The following EVL variants were observed in gnomAD, a reference collection of about 807,000 sequenced individuals.
EVL encodes the protein Enah/Vasp-like, also known as ena/VASP-like protein.
In EVL, 21 loss-of-function variants were observed where a neutral mutation model predicts 59.6. The ratio of observed to expected loss-of-function variants is 0.35; its 90% CI spans 0.25 to 0.51. The LOEUF (loss-of-function observed/expected upper bound fraction) is 0.51. Ranked by LOEUF, EVL falls within the 20% of genes least tolerant of loss-of-function variation. The pLI, the probability that EVL is intolerant of heterozygous loss-of-function variation, is 0.97. For synonymous variants in EVL, 198 were observed against 203.5 expected (o/e 0.97, Z 0.23); for missense variants, 462 against 546.6 (o/e 0.85, Z 1.54).
At position 100,136,608 on chromosome 14, in the gene EVL, GCTGCC is replaced by G. The variant is rs574575132; in HGVS notation, c.964+643_964+647del. Among the ~76,000 whole-genome samples, 127 of 152,270 alleles carry G rather than the reference GCTGCC, an allele frequency of 8.3e-4. 1 individual carries two copies. The highest frequency in any genetic ancestry group is 3.0e-3 in the African/African-American group (125 of 41,548). On this transcript the variant is annotated intron_variant, in intron 9 of 13. Transcript: ENST00000392920. ...CAGCGAGGAGAGACAGGGGCATCAG[GCTGCC>G]CTAGCTGGGCAGAGGAGGCTCTTGC...
At chr14:100,129,881 C>T (rs945602518) in intron 7 of EVL, among the ~76,000 whole-genome samples, 197 bp downstream of exon 7, 2 of 152,268 alleles carry the variant, frequency 1.3e-5, no homozygotes, top group Admixed American at 6.5e-5. Flanking sequence ...GTCCTCTAAA[C>T]TCCAGATCCT....
intron 1 of EVL, among the ~76,000 whole-genome samples, chr14:100,057,718 G>A (rs1307143353): frequency 6.6e-6 from 1 of 152,202 alleles, no homozygotes; most frequent in Non-Finnish European, 1.5e-5. Context: ...AGGCAAAGTG[G>A]TTGAGAATAC....
intron 1 of EVL, among the ~76,000 whole-genome samples, chr14:99,973,258 A>G (rs2060747317): frequency 1.3e-5 from 2 of 151,950 alleles, no homozygotes; most frequent in South Asian, 2.2e-4. Context: ...AAAATGTGTG[A>G]GAGTTCTTGT....
chr14:99,986,463 A>G lies in EVL; in HGVS notation c.5+14406A>G, dbSNP rs887195885. On this transcript the variant is annotated intron_variant, in intron 1 of 13. Coordinates refer to the EVL transcript ENST00000402714. ...ATTAAGGAAAAATCAAACAGTAAGCAACAGACTGAATCAGATAGTGTCCCA... is the reference window on the plus strand; with the variant it reads ...ATTAAGGAAAAATCAAACAGTAAGCGACAGACTGAATCAGATAGTGTCCCA... Among the ~76,000 whole-genome samples the G allele has an allele frequency of 2.6e-5, 4 of 152,180 alleles. 1 individual carries two copies. In the South Asian group the frequency reaches 8.3e-4, roughly 32 times the overall value.
chr14:100,023,227 C>G (rs1278891388), intron 1 of EVL, among the ~76,000 whole-genome samples: 1 of 144,384 alleles, frequency 6.9e-6, no homozygotes, highest in Non-Finnish European at 1.5e-5. Context: ...TTTTTTGGAA[C>G]ACAGTCTCAC....
chr14:100,005,111 A>G (rs964849189), intron 1 of EVL, among the ~76,000 whole-genome samples: 8 of 152,244 alleles, frequency 5.3e-5, no homozygotes, highest in Non-Finnish European at 1.2e-4. Flanking sequence ...AGTGAAAAAG[A>G]TATGATCTGA....
At chr14:100,088,688 A>G (rs2062499988) in intron 2 of EVL, among the ~76,000 whole-genome samples, 1 of 152,186 alleles carries the variant, frequency 6.6e-6, no homozygotes, top group Non-Finnish European at 1.5e-5. Flanking sequence ...CCAAAACATC[A>G]TTATGTGGTC....
At chr14:100,005,980 C>CA (rs2060976426) in intron 1 of EVL, among the ~76,000 whole-genome samples, 2 of 143,104 alleles carry the variant, frequency 1.4e-5, no homozygotes, top group South Asian at 4.5e-4. Context: ...AAAATCTTTC[C>CA]TTTTTTTTTT....
chr14:100,143,000 C>T (rs1465563198), intron 13 of EVL, among the ~76,000 whole-genome samples: 1 of 152,242 alleles, frequency 6.6e-6, no homozygotes, highest in East Asian at 1.9e-4. Context: ...CCCCCACAAC[C>T]TTCTCCTGGC....
At chr14:100,046,654 G>A (rs544332544) in intron 1 of EVL, among the ~76,000 whole-genome samples, 61 of 147,472 alleles carry the variant, frequency 4.1e-4, no homozygotes, top group African/African-American at 1.1e-3. Context: ...GCGACAGAGC[G>A]AGACCTTCCT....
Position 100,114,799 on chromosome 14 carries a change from T to TC in EVL, c.359-8740_359-8739insC, listed in dbSNP as rs1887227526. On this transcript the variant is annotated intron_variant, in intron 3 of 13. Transcript: ENST00000392920. The surrounding 1 kb of genome is among the most constrained non-coding windows in gnomAD (Gnocchi z 5.0). The stretch of plus-strand genomic sequence containing the variant: ...CTTTCACTCCCACCTGCTCCGGGGG[T>TC]GGGGGTGGGAGTGCTGGATCTTGGG... Among the ~76,000 whole-genome samples the TC allele has an allele frequency of 6.6e-6, 1 of 151,574 alleles. No homozygotes were observed. The highest frequency in any genetic ancestry group is 6.6e-5 in the Admixed American group (1 of 15,210).
At position 100,132,708 on chromosome 14, in the gene EVL, T is replaced by C. The variant is rs1043664161; in HGVS notation, c.840-11T>C. Reference sequence around the variant, plus strand: ...GGAGCTGATCTGTATCTTCCCCTTCTCTGTGCCTAGGAGAAAAGCAGCCTC... The same window carrying C: ...GGAGCTGATCTGTATCTTCCCCTTCCCTGTGCCTAGGAGAAAAGCAGCCTC... On this transcript the variant is annotated splice_polypyrimidine_tract_variant and intron_variant, in intron 7 of 13. Transcript: ENST00000392920. The C allele has an allele frequency of 1.2e-6, 2 of 1,614,002 alleles. No homozygotes were observed. Among genetic ancestry groups the C allele is most frequent in the African/African-American group, 1.3e-5 (1 of 74,916 alleles).
rs940580411 is a variant in EVL at position 99,972,442 on chromosome 14, G to A, written c.5+385G>A. On this transcript the variant is annotated intron_variant, in intron 1 of 13. Transcript: ENST00000402714. The surrounding 1 kb of genome is among the most constrained non-coding windows in gnomAD (Gnocchi z 4.4). ...AGGACCGAAGTTGGCGGAAGCCCCTGTGCGGTGCCTTCCAGCCCGGAGGAG... is the reference window on the plus strand; with the variant it reads ...AGGACCGAAGTTGGCGGAAGCCCCTATGCGGTGCCTTCCAGCCCGGAGGAG... 6.6e-6 allele frequency among the ~76,000 whole-genome samples: 1 copy of A among 152,152 alleles called. No homozygotes were observed. The highest frequency in any genetic ancestry group is 2.4e-5 in the African/African-American group (1 of 41,448).
chr14:100,082,182 C>G (rs535130351), intron 1 of EVL, among the ~76,000 whole-genome samples: 2 of 151,974 alleles, frequency 1.3e-5, no homozygotes, highest in African/African-American at 2.4e-5. Context: ...CCCCCTCCCC[C>G]GCATCCCTCC....
intron 8 of EVL, among the ~76,000 whole-genome samples, chr14:100,133,857 A>T (rs907197406): frequency 6.6e-6 from 1 of 152,194 alleles, no homozygotes; most frequent in Non-Finnish European, 1.5e-5. Flanking sequence ...GAATTGCTTG[A>T]ACCTGGGAGG....
At chr14:100,104,732 T>C (rs189399002) in intron 3 of EVL, among the ~76,000 whole-genome samples, 1 of 152,202 alleles carries the variant, frequency 6.6e-6, no homozygotes. Flanking sequence ...TCTGAGTGCC[T>C]ATTTGAGAAA....
intron 1 of EVL, among the ~76,000 whole-genome samples, chr14:99,979,983 T>C (rs1445694730): frequency 6.6e-6 from 1 of 152,240 alleles, no homozygotes; most frequent in African/African-American, 2.4e-5. Context: ...ATAACAACTA[T>C]TTATATAGCA....
chr14:99,994,813 C>A (rs1268045409), intron 1 of EVL, among the ~76,000 whole-genome samples: 1 of 152,092 alleles, frequency 6.6e-6, no homozygotes, highest in Admixed American at 6.5e-5. Context: ...GTCCCTTTAG[C>A]ATTTCTAGTA....
chr14:100,125,364 G>A (rs571442152), intron 4 of EVL, among the ~76,000 whole-genome samples: 8 of 151,926 alleles, frequency 5.3e-5, no homozygotes, highest in Non-Finnish European at 7.4e-5. Flanking sequence ...ACTCAGTGAC[G>A]CAGAGACTCC....
Sources: allele counts gnomAD v4.1 joint callset (sites outside exome capture counted in the v4.1 genomes callset), GRCh38; gene constraint gnomAD v4.1.1; non-coding constraint Gnocchi (gnomAD v3.1); transcripts MANE v1.5; gene names NCBI Gene and HGNC (gene_info 2026-07-23, HGNC 2026-07-21).